RTN1: variants seen among roughly 807,000 people sequenced by gnomAD.
The protein encoded by RTN1 is reticulon-1.
Under a neutral mutation model 65.5 loss-of-function variants are expected in RTN1, and 25 were observed. The observed-to-expected ratio is 0.38, with a 90% CI of 0.28 to 0.53. The LOEUF (loss-of-function observed/expected upper bound fraction) is 0.53, where lower values mean the gene tolerates loss of function less well. Ranked by LOEUF, RTN1 falls within the 20% of genes least tolerant of loss-of-function variation. The pLI is 0.79. For synonymous variants in RTN1, 471 were observed against 447.6 expected, an observed-to-expected ratio of 1.05 and a Z score of -0.66; for missense variants, 983 against 1,025.4, an observed-to-expected ratio of 0.96 and a Z score of 0.57.
At chr14:59,617,417 T>C (rs113990671) in intron 3 of RTN1, among the ~76,000 whole-genome samples, 2 of 152,356 alleles carry the variant, frequency 1.3e-5, no homozygotes, top group African/African-American at 4.8e-5. Flanking sequence ...CAGAGTTCTA[T>C]CAAAGCCAAT....
At position 59,659,450 on chromosome 14, in the gene RTN1, A is replaced by G. The variant is rs764082978; in HGVS notation, c.1766-51958T>C. Among the ~76,000 whole-genome samples the G allele has an allele frequency of 6.7e-4, 102 of 152,296 alleles. 1 individual carries two copies. The highest frequency in any genetic ancestry group is 6.3e-4 in the Non-Finnish European group (43 of 68,024). ...AGACACATAATTGTCAGGTTCATCAAGGTTGAAATGAAGGAGAAAATGTTA... is the reference window on the plus strand; with the variant it reads ...AGACACATAATTGTCAGGTTCATCAGGGTTGAAATGAAGGAGAAAATGTTA... On this transcript the variant is annotated intron_variant, in intron 3 of 8. Transcript: ENST00000267484.
At chr14:59,739,540 CAA>C (rs34758637) in intron 2 of RTN1, among the ~76,000 whole-genome samples, 327 of 113,018 alleles carry the variant, frequency 2.9e-3, no homozygotes, top group African/African-American at 6.5e-3. Flanking sequence ...GACTCTGTCT[CAA>C]AAAAAAAAAA....
intron 1 of RTN1, among the ~76,000 whole-genome samples, chr14:59,808,725 T>C (rs974877196): frequency 6.6e-6 from 1 of 152,200 alleles, no homozygotes. Flanking sequence ...TTCTCATAAA[T>C]AGATTAGCAG....
intron 3 of RTN1, among the ~76,000 whole-genome samples, chr14:59,612,189 G>A (rs1304219362): frequency 1.3e-5 from 2 of 152,198 alleles, no homozygotes; most frequent in African/African-American, 4.8e-5. Context: ...TCCCCTTGCA[G>A]CCCATTGGGC....
rs1044020676 is a variant in RTN1, at chr14:59,816,725, C to T, written c.241+53665G>A. 7.2e-5 allele frequency among the ~76,000 whole-genome samples: 11 copies of T among 152,016 alleles called. No homozygotes were observed. The highest frequency in any genetic ancestry group is 1.0e-4 in the Non-Finnish European group (7 of 68,006). On this transcript the variant is annotated intron_variant, in intron 1 of 8. Transcript: ENST00000267484. This position sits in a 1 kb window ranked among gnomAD's most constrained non-coding sequence, Gnocchi z 4.3. ...GAGGCTGGCGAATCACTTGAGTCCACGAGTTCAAGGTCAGCCTGGGCAACA... is the reference window on the plus strand; with the variant it reads ...GAGGCTGGCGAATCACTTGAGTCCATGAGTTCAAGGTCAGCCTGGGCAACA...
intron 1 of RTN1, among the ~76,000 whole-genome samples, chr14:59,813,507 T>C (rs961803454): frequency 5.9e-5 from 9 of 152,212 alleles, no homozygotes; most frequent in Admixed American, 5.9e-4. Flanking sequence ...CTTATTCCAT[T>C]TGAATACGTG....
At chr14:59,723,622 A>C (rs1003310339) in intron 3 of RTN1, among the ~76,000 whole-genome samples, 5 of 152,082 alleles carry the variant, frequency 3.3e-5, no homozygotes, top group South Asian at 2.1e-4. Context: ...TCTCAAAATA[A>C]ATAAATAAAT....
At chr14:59,680,456 T>G (rs1302547253) in intron 3 of RTN1, among the ~76,000 whole-genome samples, 1 of 152,210 alleles carries the variant, frequency 6.6e-6, no homozygotes, top group African/African-American at 2.4e-5. Context: ...AGTCTATCTT[T>G]ACTAATTTGA....
intron 1 of RTN1, among the ~76,000 whole-genome samples, chr14:59,780,142 C>T (rs985198510): frequency 7.9e-5 from 12 of 152,298 alleles, no homozygotes; most frequent in African/African-American, 2.6e-4. Flanking sequence ...CCTAAGGAAA[C>T]TCCCAGGCTA....
At chr14:59,638,576 AGCTTCTCCATTAGCACTT>A (rs1355581106) in intron 3 of RTN1, among the ~76,000 whole-genome samples, 1 of 152,228 alleles carries the variant, frequency 6.6e-6, no homozygotes, top group East Asian at 1.9e-4. Flanking sequence ...AACTTGCTGT[AGCTTCTCCATTAGCACTT>A]GCTGCTTCCC....
intron 3 of RTN1, among the ~76,000 whole-genome samples, chr14:59,639,569 G>T (rs1260146289): frequency 6.6e-6 from 1 of 152,122 alleles, no homozygotes. Context: ...CCAGTATAAT[G>T]ATGAGTAGAA....
chr14:59,683,131 T>C (rs1303752728), intron 3 of RTN1, among the ~76,000 whole-genome samples: 1 of 152,178 alleles, frequency 6.6e-6, no homozygotes, highest in East Asian at 1.9e-4. Context: ...CCTCATGTTC[T>C]CTTTCTATTG....
At chr14:59,668,791 A>G (rs1883437624) in intron 3 of RTN1, among the ~76,000 whole-genome samples, 2 of 152,204 alleles carry the variant, frequency 1.3e-5, no homozygotes, top group South Asian at 4.1e-4. Context: ...AAAAGTGGGC[A>G]AAGGATATGA....
chr14:59,658,888 C>A (rs542597314), intron 3 of RTN1, among the ~76,000 whole-genome samples: 12 of 152,200 alleles, frequency 7.9e-5, no homozygotes, highest in African/African-American at 2.6e-4. Flanking sequence ...ATGAGTTTGA[C>A]AAATTGACAG....
At position 59,779,531 on chromosome 14, in the gene RTN1, G is replaced by A. The variant is rs553657160; in HGVS notation, c.242-33050C>T. On this transcript the variant is annotated intron_variant, in intron 1 of 8. Coordinates refer to ENST00000267484, the MANE Select transcript of RTN1 (RefSeq NM_021136.3). Reference sequence around the variant, plus strand: ...CAAATCTCCATTTCAGGTGTTGACCGAGGCGCAGGAGCCAGCAAAGGGGAC... The same window carrying A: ...CAAATCTCCATTTCAGGTGTTGACCAAGGCGCAGGAGCCAGCAAAGGGGAC... Among the ~76,000 whole-genome samples the A allele has an allele frequency of 3.9e-5, 6 of 151,982 alleles. No homozygotes were observed. In the South Asian group the frequency reaches 8.3e-4, roughly 21 times the overall value.
intron 3 of RTN1, among the ~76,000 whole-genome samples, chr14:59,644,298 T>C (rs977044009): frequency 3.3e-5 from 5 of 152,166 alleles, no homozygotes; most frequent in African/African-American, 1.2e-4. Flanking sequence ...GGATGATCAC[T>C]TACCCAGGAG....
At chr14:59,653,329 G>A (rs913221478) in intron 3 of RTN1, among the ~76,000 whole-genome samples, 1 of 152,066 alleles carries the variant, frequency 6.6e-6, no homozygotes. Flanking sequence ...AAAACTGAAG[G>A]TGAAATAAAG....
chr14:59,692,657 A>C (rs1036331346), intron 3 of RTN1, among the ~76,000 whole-genome samples: 1 of 152,210 alleles, frequency 6.6e-6, no homozygotes, highest in Non-Finnish European at 1.5e-5. Context: ...CCCAACTTCA[A>C]ACTATACTGT....
intron 3 of RTN1, among the ~76,000 whole-genome samples, chr14:59,681,271 A>G (rs375851904): frequency 8.5e-5 from 13 of 152,276 alleles, no homozygotes; most frequent in African/African-American, 2.9e-4. Context: ...ATGAACATAT[A>G]TTTCCTCTAA....
Sources: allele counts gnomAD v4.1 joint callset (sites outside exome capture counted in the v4.1 genomes callset), GRCh38; gene constraint gnomAD v4.1.1; non-coding constraint Gnocchi (gnomAD v3.1); transcripts MANE v1.5; gene names NCBI Gene and HGNC (gene_info 2026-07-23, HGNC 2026-07-21).